Variants in CCDC7 observed in about 807,000 individuals in gnomAD.
CCDC7 encodes coiled-coil domain-containing protein 7.
A neutral mutation model predicts 196.9 loss-of-function variants in CCDC7; 183 were observed. The ratio of observed to expected loss-of-function variants is 0.93; its 90% CI spans 0.82 to 1.05. The LOEUF (loss-of-function observed/expected upper bound fraction) is 1.05, where lower values mean the gene tolerates loss of function less well. Among genes scored for constraint, CCDC7 ranks in the 50% least tolerant of loss-of-function variants. The pLI, the probability that CCDC7 is intolerant of heterozygous loss-of-function variation, is 0.00. For missense variants in CCDC7, 1,540 were observed against 1,482.2 expected (o/e 1.04, Z -0.64); for synonymous variants, 525 against 484.6 (o/e 1.08, Z -1.10).
intron 8 of CCDC7, among the ~76,000 whole-genome samples, chr10:32,488,633 C>A (rs557764721): frequency 1.3e-5 from 2 of 152,298 alleles, no homozygotes; most frequent in South Asian, 4.1e-4. Context: ...GCTCCAACCC[C>A]CCAGCATCAG....
intron 20 of CCDC7, among the ~76,000 whole-genome samples, chr10:32,638,085 C>T (rs2065987104): frequency 1.3e-5 from 2 of 152,076 alleles, no homozygotes; most frequent in Non-Finnish European, 2.9e-5. Context: ...GATTTTGTAT[C>T]CTGAGACTTT....
At chr10:32,644,714 G>A (rs1000717588) in intron 20 of CCDC7, among the ~76,000 whole-genome samples, 1 of 152,082 alleles carries the variant, frequency 6.6e-6, no homozygotes, top group African/African-American at 2.4e-5. Context: ...TTTTATAAGG[G>A]GTTTTTGCTT....
At chr10:32,604,539 A>G (rs2061381616) in intron 18 of CCDC7, among the ~76,000 whole-genome samples, 1 of 152,100 alleles carries the variant, frequency 6.6e-6, no homozygotes, top group Non-Finnish European at 1.5e-5. Flanking sequence ...TACAATATTA[A>G]TTCTTCCAGT....
chr10:32,601,753 A>G (rs912038086), intron 18 of CCDC7, among the ~76,000 whole-genome samples: 7 of 152,040 alleles, frequency 4.6e-5, no homozygotes, highest in Non-Finnish European at 8.8e-5. Flanking sequence ...AAACACACCA[A>G]TCAACACTCT....
rs529355921 is a variant in CCDC7, at chr10:32,495,365, C to A, written c.872+3368C>A. ...TACCTGTTCAGCCTAATGATAGTTT[C>A]TTTTGCTGTGCAGAAGTTCTTTAGT... is the stretch of plus-strand genomic sequence containing the variant. On this transcript the variant is annotated intron_variant, in intron 9 of 41. Transcript: ENST00000639629. Among the ~76,000 whole-genome samples, 6 of 152,238 alleles carry A rather than the reference C, an allele frequency of 3.9e-5. No individual in the cohort carries two copies. In the South Asian group the frequency reaches 1.0e-3, roughly 26 times the overall value.
At chr10:32,664,353 A>AT (rs1364167628) in intron 21 of CCDC7, among the ~76,000 whole-genome samples, 192 bp downstream of exon 22, 1 of 151,978 alleles carries the variant, frequency 6.6e-6, no homozygotes, top group African/African-American at 2.4e-5. Context: ...TTACCTTGTT[A>AT]TTTTTTTATA....
At chr10:32,607,234 G>A (rs2138589048) in intron 18 of CCDC7, among the ~76,000 whole-genome samples, 1 of 152,204 alleles carries the variant, frequency 6.6e-6, no homozygotes, top group Admixed American at 6.5e-5. Context: ...CAGATACCTG[G>A]TACCATGCTT....
chr10:32,680,604 C>G (rs2075721999), intron 21 of CCDC7, among the ~76,000 whole-genome samples: 1 of 149,458 alleles, frequency 6.7e-6, no homozygotes, highest in Admixed American at 6.6e-5. Flanking sequence ...TATGATGTTC[C>G]CCACCCTGGG....
At chr10:32,735,332 G>C (rs1161793307) in intron 28 of CCDC7, among the ~76,000 whole-genome samples, 1 of 152,174 alleles carries the variant, frequency 6.6e-6, no homozygotes, top group Non-Finnish European at 1.5e-5. Context: ...CAATGAGTGA[G>C]AGTTCCCATG....
Position 32,874,300 on chromosome 10 carries a change from G to C in CCDC7, c.4112-2047G>C, listed in dbSNP as rs530431137. On this transcript the variant is annotated intron_variant, in intron 41 of 41. Coordinates refer to ENST00000639629, the Ensembl canonical transcript of CCDC7. ...ACTAAACTCTTTTTTTACTTCAATA[G>C]CTTTGTGGGGGTACAAGTGGTCTTT... 2.6e-5 allele frequency among the ~76,000 whole-genome samples: 4 copies of C among 151,354 alleles called. No homozygotes were observed. The South Asian group carries it at 8.3e-4, about 32-fold the overall frequency.
chr10:32,567,236 T>C (rs1277524541), intron 14 of CCDC7, among the ~76,000 whole-genome samples: 1 of 151,098 alleles, frequency 6.6e-6, no homozygotes, highest in Non-Finnish European at 1.5e-5. Context: ...TAAATAAAAA[T>C]TATAAAAAGT....
chr10:32,622,837 A>C (rs1440843956), intron 18 of CCDC7, among the ~76,000 whole-genome samples: 1 of 152,192 alleles, frequency 6.6e-6, no homozygotes, highest in African/African-American at 2.4e-5. Context: ...CAGGGTTAGC[A>C]ATAATTATTT....
chr10:32,466,986 T>C (rs1275203174), intron 5 of CCDC7, among the ~76,000 whole-genome samples: 2 of 152,250 alleles, frequency 1.3e-5, no homozygotes, highest in African/African-American at 2.4e-5. Context: ...TATGAGGTGG[T>C]ATCTCATTGT....
At chr10:32,795,826 T>C (rs1030892919) in intron 29 of CCDC7, among the ~76,000 whole-genome samples, 26 of 152,180 alleles carry the variant, frequency 1.7e-4, no homozygotes, top group Admixed American at 1.3e-4. Context: ...GCAATGCCCT[T>C]CTCAAAGTGG....
chr10:32,529,260 T>C (rs1371796409), intron 11 of CCDC7, among the ~76,000 whole-genome samples: 2 of 152,172 alleles, frequency 1.3e-5, no homozygotes, highest in Non-Finnish European at 2.9e-5. Flanking sequence ...GACCTTGTGA[T>C]CTGCCTGCCT....
chr10:32,685,124 C>T (rs2076318435), intron 21 of CCDC7, among the ~76,000 whole-genome samples: 1 of 151,654 alleles, frequency 6.6e-6, no homozygotes, highest in Non-Finnish European at 1.5e-5. Flanking sequence ...TTTTGTAAAG[C>T]TAAGTATCTT....
rs1276017546 is a variant in CCDC7, at chr10:32,560,644, C to A, written c.1135-4914C>A. On this transcript the variant is annotated intron_variant, in intron 13 of 41. Coordinates refer to ENST00000639629, the Ensembl canonical transcript of CCDC7. ...GCTGAGAGATTTTGTCACCACCAGG[C>A]CTGCCCTAAAAGAGCTCCTGAAGGA... is the stretch of plus-strand genomic sequence containing the variant. Among the ~76,000 whole-genome samples the A allele has an allele frequency of 2.0e-5, 3 of 151,926 alleles. No individual in the cohort carries two copies. In the South Asian group the frequency reaches 6.2e-4, roughly 32 times the overall value.
rs2036413769 is a variant in CCDC7, at chr10:32,464,830, G to C, written c.510+1781G>C. ...CCTGCCGTGCCCTCTCAAGAACTTT[G>C]ATTAATTATTCTCTCTTGTATATTC... On this transcript the variant is annotated intron_variant, in intron 5 of 41. Coordinates refer to ENST00000639629, the Ensembl canonical transcript of CCDC7. Among the ~76,000 whole-genome samples the C allele has an allele frequency of 7.2e-5, 11 of 151,960 alleles. 1 individual carries two copies. The highest frequency in any genetic ancestry group is 5.2e-4 in the Admixed American group (8 of 15,248).
intron 11 of CCDC7, among the ~76,000 whole-genome samples, chr10:32,520,960 A>G (rs370219306): frequency 3.9e-4 from 60 of 152,072 alleles, no homozygotes; most frequent in African/African-American, 1.4e-3. Context: ...TCCCAGCAAC[A>G]TTTATTGAAG....
Sources: allele counts gnomAD v4.1 joint callset (sites outside exome capture counted in the v4.1 genomes callset), GRCh38; gene constraint gnomAD v4.1.1; transcripts MANE v1.5; gene names NCBI Gene and HGNC (gene_info 2026-07-23, HGNC 2026-07-21).